Variants in LGR4 observed in about 807,000 individuals in gnomAD.
The protein encoded by LGR4 is leucine rich repeat containing G protein-coupled receptor 4.
LGR4 carries 44 observed loss-of-function variants against 84.8 expected under a neutral mutation model. The ratio of observed to expected loss-of-function variants is 0.52; its 90% CI spans 0.41 to 0.67. The LOEUF is 0.67. Among genes scored for constraint, LGR4 ranks in the 30% least tolerant of loss-of-function variants. The pLI is 0.00. For synonymous variants in LGR4, 429 were observed against 434.3 expected, an observed-to-expected ratio of 0.99 and a Z score of 0.15; for missense variants, 1,032 against 1,131.4, an observed-to-expected ratio of 0.91 and a Z score of 1.26.
At chr11:27,387,450 C>T (rs1863207746) in intron 4 of LGR4, among the ~76,000 whole-genome samples, 1 of 152,060 alleles carries the variant, frequency 6.6e-6, no homozygotes, top group African/African-American at 2.4e-5. Flanking sequence ...TCTAAGGTGA[C>T]ATTTAAAGTG....
At chr11:27,446,952 G>T (rs1002023141) in intron 1 of LGR4, among the ~76,000 whole-genome samples, 1 of 151,474 alleles carries the variant, frequency 6.6e-6, no homozygotes, top group Non-Finnish European at 1.5e-5. Context: ...ACCAAACACC[G>T]CATGTTCTCA....
intron 4 of LGR4, among the ~76,000 whole-genome samples, chr11:27,388,191 T>C (rs1272291774): frequency 6.6e-6 from 1 of 152,184 alleles, no homozygotes; most frequent in Admixed American, 6.6e-5. Flanking sequence ...CGATTTGTGA[T>C]GACTCAAATG....
In LGR4 at chr11:27,434,328, A is replaced by G. The variant is rs569778145; in HGVS notation, c.186-21468T>C. 4.5e-4 allele frequency among the ~76,000 whole-genome samples: 69 copies of G among 152,382 alleles called. No homozygotes were observed. The South Asian group carries it at 0.014, about 32-fold the overall frequency. On this transcript the variant is annotated intron_variant, in intron 1 of 17. Transcript: ENST00000379214. ...TATCTCCATTGCTCTAGATGCATGA[A>G]TTAAGTACAATCAATAGATGCTTTC... is the stretch of plus-strand genomic sequence containing the variant.
intron 1 of LGR4, among the ~76,000 whole-genome samples, chr11:27,444,235 T>A (rs1864350150): frequency 6.6e-6 from 1 of 152,144 alleles, no homozygotes; most frequent in Admixed American, 6.5e-5. Context: ...ATTTCAGGCT[T>A]GGGGAGTGGA....
chr11:27,412,514 T>A (rs1185438499), intron 2 of LGR4, among the ~76,000 whole-genome samples: 1 of 152,170 alleles, frequency 6.6e-6, no homozygotes, highest in Non-Finnish European at 1.5e-5. Context: ...CTGGTGTCAC[T>A]GCAGCATTTG....
At chr11:27,426,592 C>T (rs537158775) in intron 1 of LGR4, among the ~76,000 whole-genome samples, 35 of 152,248 alleles carry the variant, frequency 2.3e-4, no homozygotes, top group African/African-American at 7.0e-4. Context: ...CAAGTGTAAA[C>T]GGAGATAACA....
At chr11:27,452,426 C>T (rs980746735) in intron 1 of LGR4, among the ~76,000 whole-genome samples, 6 of 152,082 alleles carry the variant, frequency 3.9e-5, no homozygotes, top group African/African-American at 1.4e-4. Context: ...ACAGACCCTA[C>T]TCAGATGGAT....
At position 27,366,490 on chromosome 11, in the gene LGR4, A is replaced by G. The variant is rs1862767815; in HGVS notation, c.*1377T>C. 6.6e-6 allele frequency: 1 copy of G among 152,574 alleles called. No individual in the cohort carries two copies. Among genetic ancestry groups the G allele is most frequent in the Non-Finnish European group, 1.5e-5 (1 of 67,962 alleles). The allele number at this position is 152,574 out of a possible 1,614,324, so 9.5% of individuals were successfully genotyped here. On this transcript the variant is annotated 3_prime_UTR_variant, in exon 18 of 18. Coordinates refer to ENST00000379214, the MANE Select transcript of LGR4 (RefSeq NM_018490.5). Reference sequence around the variant, plus strand: ...GATAAAAATTCATTATATGCACAGTATGTACAGTTTAATTATTAAACTGCA... The same window carrying G: ...GATAAAAATTCATTATATGCACAGTGTGTACAGTTTAATTATTAAACTGCA...
At chr11:27,445,967 G>A (rs527961685) in intron 1 of LGR4, among the ~76,000 whole-genome samples, 46 of 152,208 alleles carry the variant, frequency 3.0e-4, no homozygotes, top group African/African-American at 1.1e-3. Context: ...AATGTCACCA[G>A]TAAAATATAA....
chr11:27,419,064 A>T (rs1863876174), intron 1 of LGR4, among the ~76,000 whole-genome samples: 1 of 152,032 alleles, frequency 6.6e-6, no homozygotes, highest in Admixed American at 6.6e-5. Context: ...TAAAACCTCT[A>T]CTTTAGTACC....
intron 1 of LGR4, among the ~76,000 whole-genome samples, chr11:27,424,252 A>G (rs989542393): frequency 6.6e-6 from 1 of 152,142 alleles, no homozygotes; most frequent in African/African-American, 2.4e-5. Flanking sequence ...ATCTTAAAGA[A>G]TATAAGGCCA....
At chr11:27,376,432 G>A in intron 12 of LGR4, 62 bp from the exon 13 acceptor site, 2 of 840,228 alleles carry the variant, frequency 2.4e-6, no homozygotes, top group East Asian at 5.1e-5. Flanking sequence ...ACAGGAGGAG[G>A]AGGAAAGAGA....
chr11:27,412,537 T>C (rs1803295608), intron 2 of LGR4, among the ~76,000 whole-genome samples: 1 of 152,114 alleles, frequency 6.6e-6, no homozygotes, highest in Non-Finnish European at 1.5e-5. Context: ...GTTATAATAA[T>C]TGCAGCAAAA....
At chr11:27,378,995 C>A in intron 10 of LGR4, 1 of 522,032 alleles carries the variant, frequency 1.9e-6, no homozygotes, top group South Asian at 2.7e-5. Flanking sequence ...GATGTTGATA[C>A]TGGGCTTGAT....
intron 1 of LGR4, among the ~76,000 whole-genome samples, chr11:27,469,533 T>G (rs1864833805): frequency 6.6e-6 from 1 of 152,022 alleles, no homozygotes; most frequent in Non-Finnish European, 1.5e-5. Context: ...GCCCTGTCAG[T>G]CCCAGGATCT....
At chr11:27,391,252 C>CAA (rs1863280757) in intron 3 of LGR4, 87 bp from the exon 4 acceptor site, 2 of 376,230 alleles carry the variant, frequency 5.3e-6, no homozygotes, top group Non-Finnish European at 9.2e-6. Flanking sequence ...TTTTTTTTTT[C>CAA]AAAAAATATT....
chr11:27,436,335 C>CAGAG (rs1290081903), intron 1 of LGR4, among the ~76,000 whole-genome samples: 37 of 93,930 alleles, frequency 3.9e-4, no homozygotes, highest in Admixed American at 1.1e-3. Flanking sequence ...AAATAAAAGA[C>CAGAG]AGAGAGAGAG....
Position 27,391,152 on chromosome 11 carries a change from T to A in LGR4, c.343A>T (p.Asn115Tyr). The A allele has an allele frequency of 6.2e-7, 1 of 1,600,052 alleles. No homozygotes were observed. Among genetic ancestry groups the A allele is most frequent in the Non-Finnish European group, 8.5e-7 (1 of 1,173,264 alleles). Residue 115 changes from asparagine (N) to tyrosine (Y), a missense_variant, in exon 4 of 18, where the codon AAT becomes TAT. Physicochemically the swap from Asn to Tyr is moderately radical, Grantham distance 143. Transcript: ENST00000379214. ...KELKVLTLQN[N>Y]QLKTVPSEAI... Reference sequence around the variant, plus strand: ...TCACTGGGTACTGTTTTCAACTGATTATTCTGGAGCGTTCTGAAAGAAAAT... The same window carrying A: ...TCACTGGGTACTGTTTTCAACTGATAATTCTGGAGCGTTCTGAAAGAAAAT...
intron 1 of LGR4, among the ~76,000 whole-genome samples, chr11:27,433,021 G>T (rs1864139664): frequency 6.6e-6 from 1 of 152,126 alleles, no homozygotes; most frequent in Non-Finnish European, 1.5e-5. Context: ...TCAATAATAA[G>T]AACTTTGGGT....
Sources: allele counts gnomAD v4.1 joint callset (sites outside exome capture counted in the v4.1 genomes callset), GRCh38; gene constraint gnomAD v4.1.1; transcripts MANE v1.5; gene names NCBI Gene and HGNC (gene_info 2026-07-23, HGNC 2026-07-21).